The following SDK2 variants were observed in gnomAD, a reference collection of about 807,000 sequenced individuals.
SDK2 encodes the protein sidekick cell adhesion molecule 2, also known as protein sidekick-2.
Under a neutral mutation model 253.9 loss-of-function variants are expected in SDK2, and 105 were observed. The ratio of observed to expected loss-of-function variants is 0.41; its 90% CI spans 0.35 to 0.49. The LOEUF is 0.49. Among genes scored for constraint, SDK2 ranks in the 20% least tolerant of loss-of-function variants. The pLI is 0.06. For synonymous variants in SDK2, 1,249 were observed against 1,234.9 expected (o/e 1.01, Z -0.24); for missense variants, 2,608 against 3,003.0 (o/e 0.87, Z 3.07).
At chr17:73,516,369 C>G (rs1250338046) in intron 1 of SDK2, among the ~76,000 whole-genome samples, 1 of 152,210 alleles carries the variant, frequency 6.6e-6, no homozygotes, top group African/African-American at 2.4e-5. Flanking sequence ...AATGTCTGCA[C>G]GTCATACACT....
At position 73,357,852 on chromosome 17, in the gene SDK2, C is replaced by G. The variant is rs1164738051; in HGVS notation, c.5593+227G>C. ...AACCCAAGCTGGTCCTCAGTTAGCA[C>G]TAACAGCCGTTCTCTGGGGGCCTCC... On this transcript the variant is annotated intron_variant, in intron 40 of 44. Transcript: ENST00000392650. 5 of 682,782 alleles carry G rather than the reference C, an allele frequency of 7.3e-6. No homozygotes were observed. The Admixed American group carries it at 1.2e-4, about 17-fold the overall frequency. 42.3% of individuals were successfully genotyped at this position (682,782 alleles called of 1,614,324 possible).
At chr17:73,551,360 C>T (rs899211921) in intron 1 of SDK2, among the ~76,000 whole-genome samples, 1 of 152,166 alleles carries the variant, frequency 6.6e-6, no homozygotes, top group African/African-American at 2.4e-5. Flanking sequence ...AGACAAAGAA[C>T]AGAAACGCGG....
intron 1 of SDK2, among the ~76,000 whole-genome samples, chr17:73,521,732 A>G (rs560469521): frequency 5.3e-5 from 8 of 151,986 alleles, no homozygotes; most frequent in African/African-American, 1.2e-4. Flanking sequence ...GTGAGCCCCA[A>G]CTCCACATTT....
chr17:73,499,894 TG>T (rs2063872884), intron 2 of SDK2, among the ~76,000 whole-genome samples: 1 of 118,946 alleles, frequency 8.4e-6, no homozygotes, highest in African/African-American at 2.8e-5. Flanking sequence ...TGTGTGTGTG[TG>T]TGTGTGTGTG....
intron 2 of SDK2, among the ~76,000 whole-genome samples, chr17:73,475,687 G>A (rs1271970805): frequency 1.3e-5 from 2 of 152,234 alleles, no homozygotes; most frequent in Non-Finnish European, 2.9e-5. Flanking sequence ...AGTAAGAGCT[G>A]GGGAGGAGGG....
At chr17:73,375,882 A>G (rs1297961784) in intron 36 of SDK2, among the ~76,000 whole-genome samples, 1 of 151,008 alleles carries the variant, frequency 6.6e-6, no homozygotes, top group Non-Finnish European at 1.5e-5. Context: ...AAAGAAATAA[A>G]ATAAACTAAA....
rs1409756607 is a variant in SDK2, at chr17:73,616,041, ATACACACACG to A, written c.64+27974_64+27983del. ...CATATGCATATACACATGAACACACATACACACACGTACACACACATACATACTTCTTCCC... is the reference window on the plus strand; with the variant it reads ...CATATGCATATACACATGAACACACATACACACACATACATACTTCTTCCC... On this transcript the variant is annotated intron_variant, in intron 1 of 44. Coordinates refer to ENST00000392650, the MANE Select transcript of SDK2 (RefSeq NM_001144952.2). This position sits in a 1 kb window ranked among gnomAD's most constrained non-coding sequence, Gnocchi z 5.2. 6.6e-6 allele frequency among the ~76,000 whole-genome samples: 1 copy of A among 152,132 alleles called. No individual in the cohort carries two copies. The highest frequency in any genetic ancestry group is 6.5e-5 in the Admixed American group (1 of 15,278).
At chr17:73,548,605 G>A (rs1368685820) in intron 1 of SDK2, among the ~76,000 whole-genome samples, 1 of 152,234 alleles carries the variant, frequency 6.6e-6, no homozygotes, top group Non-Finnish European at 1.5e-5. Flanking sequence ...AAGCTTGCTG[G>A]GGTTCCCAGT....
intron 1 of SDK2, among the ~76,000 whole-genome samples, chr17:73,588,418 A>G (rs1356163677): frequency 6.6e-6 from 1 of 151,458 alleles, no homozygotes; most frequent in Non-Finnish European, 1.5e-5. Context: ...AAAAAGAAAG[A>G]AATGCAAATT....
intron 1 of SDK2, among the ~76,000 whole-genome samples, chr17:73,584,175 G>A (rs538209003): frequency 2.3e-3 from 351 of 152,328 alleles, no homozygotes; most frequent in African/African-American, 8.0e-3. Context: ...CTGGCCAACC[G>A]AGAGAGCTGG....
At chr17:73,422,217 A>G (rs1179815306) in intron 15 of SDK2, 70 bp downstream of exon 15, 3 of 1,561,570 alleles carry the variant, frequency 1.9e-6, no homozygotes, top group East Asian at 2.3e-5. Context: ...AATCTGCCAC[A>G]TCGGTTTCGG....
rs188166863 is a variant in SDK2, at chr17:73,630,298, G to C, written c.64+13727C>G. 2.4e-3 allele frequency among the ~76,000 whole-genome samples: 361 copies of C among 152,242 alleles called. 3 individuals carry two copies. The highest frequency in any genetic ancestry group is 0.02 in the Middle Eastern group (6 of 294). Reference sequence around the variant, plus strand: ...CTGCTTCAGAAGCTCTGGGAATGGGGCCCAGGAATATGCATTCTAACAGGT... The same window carrying C: ...CTGCTTCAGAAGCTCTGGGAATGGGCCCCAGGAATATGCATTCTAACAGGT... On this transcript the variant is annotated intron_variant, in intron 1 of 44. Coordinates refer to ENST00000392650, the MANE Select transcript of SDK2 (RefSeq NM_001144952.2).
rs1011321904 is a variant in SDK2 at position 73,447,962 on chromosome 17, A to G, written c.480-214T>C. ...GCTAAACACGGTGCTGATGCTGTCAACCAGACCCAGAGACAGCACGTTCAT... is the reference window on the plus strand; with the variant it reads ...GCTAAACACGGTGCTGATGCTGTCAGCCAGACCCAGAGACAGCACGTTCAT... On this transcript the variant is annotated intron_variant, in intron 4 of 44. Transcript: ENST00000392650. The surrounding 1 kb of genome is among the most constrained non-coding windows in gnomAD (Gnocchi z 4.0). 2.6e-5 allele frequency among the ~76,000 whole-genome samples: 4 copies of G among 152,060 alleles called. No individual in the cohort carries two copies. The highest frequency in any genetic ancestry group is 2.0e-4 in the Admixed American group (3 of 15,260).
At chr17:73,523,292 C>A (rs1424197919) in intron 1 of SDK2, among the ~76,000 whole-genome samples, 2 of 151,732 alleles carry the variant, frequency 1.3e-5, no homozygotes, top group East Asian at 2.0e-4. Flanking sequence ...ACCAAGCTTC[C>A]CCTCTTGATG....
chr17:73,584,132 C>A (rs191410696), intron 1 of SDK2, among the ~76,000 whole-genome samples: 1 of 152,230 alleles, frequency 6.6e-6, no homozygotes, highest in Non-Finnish European at 1.5e-5. Context: ...GGCACCCAGG[C>A]AGGCAAAACA....
rs753177062 is a variant in SDK2 at position 73,448,263 on chromosome 17, C to T, written c.480-515G>A. ...CCAGAGTCCATGCCTTAACCCTAAT[C>T]CTAAATCTGTTCAGGATTGATGGAC... On this transcript the variant is annotated intron_variant, in intron 4 of 44. Transcript: ENST00000392650. 2.6e-5 allele frequency among the ~76,000 whole-genome samples: 4 copies of T among 152,346 alleles called. No homozygotes were observed. In the South Asian group the frequency reaches 8.3e-4, roughly 32 times the overall value.
chr17:73,500,339 C>CTCCA (rs2063879260), intron 2 of SDK2, among the ~76,000 whole-genome samples: 1 of 140,670 alleles, frequency 7.1e-6, no homozygotes, highest in African/African-American at 2.7e-5. Context: ...CCTCCATCTC[C>CTCCA]TCCATCCTCC....
intron 1 of SDK2, among the ~76,000 whole-genome samples, chr17:73,637,844 G>A (rs894158011): frequency 4.6e-5 from 7 of 152,366 alleles, no homozygotes; most frequent in Admixed American, 4.6e-4. Context: ...TTCAGCTGAT[G>A]GGGCTTCAGC....
chr17:73,401,455 G>A (rs972945508), intron 20 of SDK2, among the ~76,000 whole-genome samples, 199 bp downstream of exon 20: 1 of 152,204 alleles, frequency 6.6e-6, no homozygotes, highest in African/African-American at 2.4e-5. Context: ...TGAGATCTGT[G>A]GCAGAAGGTG....
Sources: allele counts gnomAD v4.1 joint callset (sites outside exome capture counted in the v4.1 genomes callset), GRCh38; gene constraint gnomAD v4.1.1; non-coding constraint Gnocchi (gnomAD v3.1); transcripts MANE v1.5; gene names NCBI Gene and HGNC (gene_info 2026-07-23, HGNC 2026-07-21).